The following CACNA2D3 variants were observed in gnomAD, a reference collection of about 807,000 sequenced individuals.
CACNA2D3 encodes the protein voltage-dependent calcium channel subunit alpha-2/delta-3.
A neutral mutation model predicts 160.6 loss-of-function variants in CACNA2D3; 60 were observed. The observed-to-expected ratio is 0.37, with a 90% CI of 0.30 to 0.46. The LOEUF (loss-of-function observed/expected upper bound fraction) is 0.46, where lower values mean the gene tolerates loss of function less well. CACNA2D3 is among the 20% of genes least tolerant of loss of function. The pLI, the probability that CACNA2D3 is intolerant of heterozygous loss-of-function variation, is 1.00. For synonymous variants in CACNA2D3, 558 were observed against 492.9 expected, an observed-to-expected ratio of 1.13 and a Z score of -1.75; for missense variants, 1,205 against 1,365.0, an observed-to-expected ratio of 0.88 and a Z score of 1.85.
At chr3:54,394,242 C>T (rs1699333256) in intron 4 of CACNA2D3, among the ~76,000 whole-genome samples, 1 of 151,874 alleles carries the variant, frequency 6.6e-6, no homozygotes, top group African/African-American at 2.4e-5. Flanking sequence ...GCGGCCTTAG[C>T]TGCTTGGTTG....
At chr3:54,873,386 T>C (rs1699585277) in intron 18 of CACNA2D3, among the ~76,000 whole-genome samples, 2 of 145,926 alleles carry the variant, frequency 1.4e-5, no homozygotes, top group Admixed American at 6.6e-5. Flanking sequence ...TATCTGTTGA[T>C]TTATTTTTTT....
intron 9 of CACNA2D3, among the ~76,000 whole-genome samples, chr3:54,600,140 G>T (rs1383118664): frequency 6.6e-6 from 1 of 152,108 alleles, no homozygotes; most frequent in Non-Finnish European, 1.5e-5. Flanking sequence ...AGCAGTGTTC[G>T]ACGCACCTTC....
intron 29 of CACNA2D3, among the ~76,000 whole-genome samples, chr3:54,978,117 G>A (rs1287654925): frequency 6.6e-6 from 1 of 152,064 alleles, no homozygotes; most frequent in Non-Finnish European, 1.5e-5. Context: ...CTTCTTTACT[G>A]CATCCTGTTT....
intron 11 of CACNA2D3, among the ~76,000 whole-genome samples, chr3:54,736,864 C>G (rs1396064180): frequency 6.6e-6 from 1 of 152,130 alleles, no homozygotes; most frequent in Non-Finnish European, 1.5e-5. Context: ...GATTCTCACC[C>G]TTTGTAATCC....
At chr3:54,455,962 A>G (rs2106828704) in intron 4 of CACNA2D3, among the ~76,000 whole-genome samples, 1 of 151,924 alleles carries the variant, frequency 6.6e-6, no homozygotes, top group Admixed American at 6.6e-5. Context: ...GTACTATGTT[A>G]TATTTTGAAG....
At chr3:55,067,051 C>G (rs1704657311) in intron 35 of CACNA2D3, among the ~76,000 whole-genome samples, 1 of 150,192 alleles carries the variant, frequency 6.7e-6, no homozygotes, top group African/African-American at 2.5e-5. Context: ...GACAGTAAGT[C>G]TTTAAAATAT....
intron 4 of CACNA2D3, among the ~76,000 whole-genome samples, chr3:54,400,748 C>T (rs1228513815): frequency 6.6e-6 from 1 of 152,166 alleles, no homozygotes; most frequent in Non-Finnish European, 1.5e-5. Context: ...AAGTGAAAGT[C>T]TTTCCCTATA....
At chr3:54,607,321 G>T (rs534969514) in intron 9 of CACNA2D3, among the ~76,000 whole-genome samples, 58 of 152,102 alleles carry the variant, frequency 3.8e-4, no homozygotes, top group Admixed American at 2.0e-3. Context: ...TGGTTTTTTT[G>T]TTTTGTTTTG....
intron 17 of CACNA2D3, among the ~76,000 whole-genome samples, chr3:54,869,608 G>C (rs527630118): frequency 6.6e-6 from 1 of 152,196 alleles, no homozygotes; most frequent in South Asian, 2.1e-4. Flanking sequence ...CAGGATCTGG[G>C]CTGTGTGAGT....
chr3:54,886,721 T>C (rs1699932984), intron 23 of CACNA2D3, among the ~76,000 whole-genome samples: 1 of 151,800 alleles, frequency 6.6e-6, no homozygotes, highest in Non-Finnish European at 1.5e-5. Flanking sequence ...TATGGTATAT[T>C]GTATGAATTA....
At chr3:54,645,307 A>G (rs1390509765) in intron 11 of CACNA2D3, among the ~76,000 whole-genome samples, 1 of 152,218 alleles carries the variant, frequency 6.6e-6, no homozygotes, top group African/African-American at 2.4e-5. Flanking sequence ...ACCTCCCACC[A>G]GGTAGCTCCC....
chr3:54,276,982 G>A (rs1702758375), intron 2 of CACNA2D3, among the ~76,000 whole-genome samples: 2 of 152,200 alleles, frequency 1.3e-5, no homozygotes, highest in African/African-American at 2.4e-5. Context: ...GCTTCTTGTT[G>A]TACATCTCCA....
chr3:54,519,519 G>GT (rs1701611942), intron 5 of CACNA2D3, among the ~76,000 whole-genome samples: 1 of 152,204 alleles, frequency 6.6e-6, no homozygotes, highest in Non-Finnish European at 1.5e-5. Context: ...AAGTCAGACT[G>GT]TTCAACAGTG....
At chr3:54,183,229 T>G (rs73085940) in intron 2 of CACNA2D3, among the ~76,000 whole-genome samples, 1,841 of 145,624 alleles carry the variant, frequency 0.013, 9 homozygotes, top group Non-Finnish European at 0.013. Context: ...TTTTTTTTTT[T>G]CTATTCAGAA....
intron 9 of CACNA2D3, among the ~76,000 whole-genome samples, chr3:54,591,631 A>G (rs1287756947): frequency 6.7e-6 from 1 of 149,006 alleles, no homozygotes; most frequent in Non-Finnish European, 1.5e-5. Flanking sequence ...CAAAAGCATC[A>G]AACTCATTAC....
At chr3:54,778,351 A>G (rs916881791) in intron 13 of CACNA2D3, among the ~76,000 whole-genome samples, 7 of 151,814 alleles carry the variant, frequency 4.6e-5, no homozygotes, top group South Asian at 4.2e-4. Flanking sequence ...ACCTACTCAC[A>G]CATTTATAGT....
chr3:54,243,826 T>C (rs1008220111), intron 2 of CACNA2D3, among the ~76,000 whole-genome samples: 2 of 152,308 alleles, frequency 1.3e-5, no homozygotes, highest in Middle Eastern at 3.4e-3. Context: ...CTCTGAGCCT[T>C]ATCCTCCTTA....
intron 5 of CACNA2D3, among the ~76,000 whole-genome samples, chr3:54,556,839 C>A (rs1211622440): frequency 1.3e-5 from 2 of 152,230 alleles, no homozygotes. Context: ...CACACCCCAG[C>A]ATGACGTTTG....
chr3:54,581,763 C>T (rs144755827), intron 8 of CACNA2D3, 40 bp from the exon 9 acceptor site: 26,607 of 1,517,536 alleles, frequency 0.018, 305 homozygotes, highest in Middle Eastern at 0.024. Flanking sequence ...CCCTTCAATT[C>T]CTTAATTAAG....
Sources: gnomAD v4.1 joint callset for allele counts (sites outside exome capture counted in the v4.1 genomes callset) on GRCh38, gnomAD v4.1.1 for gene constraint, MANE v1.5 for transcripts, NCBI Gene and HGNC (gene_info 2026-07-23, HGNC 2026-07-21) for gene names.